MGLL: variants seen among roughly 807,000 people sequenced by gnomAD.
The protein encoded by MGLL is lysophospholipase homolog.
A neutral mutation model predicts 29.1 loss-of-function variants in MGLL; 7 were observed. The ratio of observed to expected loss-of-function variants is 0.24; its 90% CI spans 0.14 to 0.45. The LOEUF (loss-of-function observed/expected upper bound fraction) is 0.45, where lower values mean the gene tolerates loss of function less well. Ranked by LOEUF, MGLL falls within the 20% of genes least tolerant of loss-of-function variation. MGLL has a pLI of 0.99. For synonymous variants in MGLL, 148 were observed against 168.3 expected (o/e 0.88, Z 0.93); for missense variants, 356 against 413.6 (o/e 0.86, Z 1.21).
At chr3:127,754,898 T>C (rs1442152012) in intron 3 of MGLL, among the ~76,000 whole-genome samples, 3 of 152,162 alleles carry the variant, frequency 2.0e-5, no homozygotes, top group Admixed American at 6.5e-5. Flanking sequence ...TGTCCCAGGC[T>C]CTTTAGAGGG....
At chr3:127,784,546 G>C (rs2077181670) in intron 2 of MGLL, among the ~76,000 whole-genome samples, 3 of 152,166 alleles carry the variant, frequency 2.0e-5, no homozygotes, top group Admixed American at 1.3e-4. Flanking sequence ...CCGTCCCACT[G>C]CAGGCGGTGG....
intron 3 of MGLL, among the ~76,000 whole-genome samples, chr3:127,723,733 A>T (rs184009688): frequency 6.6e-6 from 1 of 152,332 alleles, no homozygotes; most frequent in Non-Finnish European, 1.5e-5. Context: ...TTTAAATGTA[A>T]GGTTCAGTGG....
chr3:127,772,983 A>G (rs947203757), intron 3 of MGLL, among the ~76,000 whole-genome samples: 1 of 152,232 alleles, frequency 6.6e-6, no homozygotes, highest in Non-Finnish European at 1.5e-5. Context: ...TGTGAGGAAT[A>G]GATCCCTGCT....
At chr3:127,776,179 C>T (rs1281511289) in intron 3 of MGLL, among the ~76,000 whole-genome samples, 2 of 152,202 alleles carry the variant, frequency 1.3e-5, no homozygotes, top group Non-Finnish European at 2.9e-5. Flanking sequence ...TCCTGGTGGC[C>T]TTCCATCCTT....
chr3:127,704,107 G>C (rs1052766550), intron 6 of MGLL, among the ~76,000 whole-genome samples: 1 of 152,180 alleles, frequency 6.6e-6, no homozygotes, highest in African/African-American at 2.4e-5. Flanking sequence ...TAACAAACCT[G>C]ATGAAAACAA....
intron 3 of MGLL, among the ~76,000 whole-genome samples, chr3:127,754,114 G>A (rs2076612252): frequency 6.6e-6 from 1 of 152,186 alleles, no homozygotes. Flanking sequence ...CTACGGAGGA[G>A]GCCACAGCCT....
At position 127,788,685 on chromosome 3, in the gene MGLL, G is replaced by A. The variant is rs952366876; in HGVS notation, c.156-6790C>T. Among the ~76,000 whole-genome samples, 6 of 152,244 alleles carry A rather than the reference G, an allele frequency of 3.9e-5. No homozygotes were observed. In the South Asian group the frequency reaches 8.3e-4, roughly 21 times the overall value. ...TCTGCGCACTCCGCAGTCCTTCCAC[G>A]CTTCCCCAACACTGAGGTAGGCGCA... On this transcript the variant is annotated intron_variant, in intron 2 of 7. Coordinates refer to ENST00000265052, the MANE Select transcript of MGLL (RefSeq NM_007283.7).
chr3:127,782,297 C>T (rs1472373288), intron 2 of MGLL, among the ~76,000 whole-genome samples: 1 of 152,146 alleles, frequency 6.6e-6, no homozygotes, highest in East Asian at 1.9e-4. Context: ...TACAAAACCT[C>T]AGCAACACCA....
At chr3:127,804,977 G>A (rs1311437174) in intron 2 of MGLL, among the ~76,000 whole-genome samples, 2 of 152,184 alleles carry the variant, frequency 1.3e-5, no homozygotes, top group African/African-American at 2.4e-5. Context: ...CCATTCTATG[G>A]GAACACAGGG....
chr3:127,742,560 A>G (rs1238276059), intron 3 of MGLL, among the ~76,000 whole-genome samples: 6 of 132,532 alleles, frequency 4.5e-5, no homozygotes, highest in Non-Finnish European at 1.5e-5. Context: ...ACTGCACTCC[A>G]GCCTGGGAGA....
At chr3:127,777,933 C>T (rs1463916074) in intron 3 of MGLL, among the ~76,000 whole-genome samples, 1 of 152,218 alleles carries the variant, frequency 6.6e-6, no homozygotes, top group Non-Finnish European at 1.5e-5. Flanking sequence ...GCTGGCAAGC[C>T]ATTCAAACCC....
At chr3:127,694,373 G>GTA (rs1461284992) in intron 7 of MGLL, among the ~76,000 whole-genome samples, 2 of 97,748 alleles carry the variant, frequency 2.0e-5, no homozygotes, top group Non-Finnish European at 4.5e-5. Flanking sequence ...ATATATGTAT[G>GTA]TATATATATG....
At chr3:127,725,281 G>C in intron 3 of MGLL, among the ~76,000 whole-genome samples, 1 of 151,872 alleles carries the variant, frequency 6.6e-6, no homozygotes, top group Non-Finnish European at 1.5e-5. Context: ...TTTCCTTCCT[G>C]GCTGATTTCT....
At chr3:127,727,437 C>T (rs980774322) in intron 3 of MGLL, among the ~76,000 whole-genome samples, 8 of 152,042 alleles carry the variant, frequency 5.3e-5, no homozygotes, top group Admixed American at 2.0e-4. Context: ...TCTGGCTAGG[C>T]GCAGTGGCTC....
Position 127,698,296 on chromosome 3 carries a change from C to T in MGLL, c.601-3106G>A, listed in dbSNP as rs150204184. On this transcript the variant is annotated intron_variant, in intron 6 of 7. Coordinates refer to ENST00000265052, the MANE Select transcript of MGLL (RefSeq NM_007283.7). ...TGAGGCACAGAGGGGCCAAACCCTC[C>T]CCTCAAGTGGCAGTTCTGGCACAAG... Among the ~76,000 whole-genome samples the T allele has an allele frequency of 2.5e-4, 38 of 152,292 alleles. No homozygotes were observed. In the East Asian group the frequency reaches 6.2e-3, roughly 25 times the overall value.
At chr3:127,800,680 ATG>A (rs1275658112) in intron 2 of MGLL, among the ~76,000 whole-genome samples, 1 of 152,192 alleles carries the variant, frequency 6.6e-6, no homozygotes, top group Non-Finnish European at 1.5e-5. Context: ...GTGGTTAGTT[ATG>A]TGTCTTCCTG....
chr3:127,760,359 T>G (rs1039178776), intron 3 of MGLL, among the ~76,000 whole-genome samples: 6 of 152,190 alleles, frequency 3.9e-5, no homozygotes, highest in African/African-American at 1.2e-4. Context: ...GCTCCACTTG[T>G]CAACAGGGGA....
rs147986966 is a variant in MGLL, at chr3:127,783,603, T to C, written c.156-1708A>G. On this transcript the variant is annotated intron_variant, in intron 2 of 7. Transcript: ENST00000265052. ...GTGTAAGGCCAGAATGGCACCAGTT[T>C]GTTTTATGGTGCTTTCATTTAGCCC... 2.4e-4 allele frequency among the ~76,000 whole-genome samples: 36 copies of C among 152,346 alleles called. No homozygotes were observed. In the East Asian group the frequency reaches 4.8e-3, roughly 20 times the overall value.
Position 127,738,030 on chromosome 3 carries a change from G to C in MGLL, c.263-15464C>G, listed in dbSNP as rs114358592. Among the ~76,000 whole-genome samples the C allele has an allele frequency of 9.9e-3, 1,509 of 152,302 alleles. 24 individuals are homozygous for C. Among genetic ancestry groups the C allele is most frequent in the African/African-American group, 0.035 (1,449 of 41,550 alleles). ...AGAAGTGCTCGTGTGGCTAGGCGCAGTGGCTCAGACCTGTAATCCCAGCAC... is the reference window on the plus strand; with the variant it reads ...AGAAGTGCTCGTGTGGCTAGGCGCACTGGCTCAGACCTGTAATCCCAGCAC... On this transcript the variant is annotated intron_variant, in intron 3 of 7. Transcript: ENST00000265052.
Sources: gnomAD v4.1 joint callset for allele counts (sites outside exome capture counted in the v4.1 genomes callset) on GRCh38, gnomAD v4.1.1 for gene constraint, MANE v1.5 for transcripts, NCBI Gene and HGNC (gene_info 2026-07-23, HGNC 2026-07-21) for gene names.